Variants in FIGN observed in about 807,000 individuals in gnomAD.
FIGN encodes the protein fidgetin.
A neutral mutation model predicts 51.3 loss-of-function variants in FIGN; 11 were observed. The observed-to-expected ratio is 0.21, with a 90% confidence interval of 0.13 to 0.35. FIGN has a LOEUF of 0.35. Among genes scored for constraint, FIGN ranks in the 10% least tolerant of loss-of-function variants. The pLI, the probability that FIGN is intolerant of heterozygous loss-of-function variation, is 1.00. For synonymous variants in FIGN, 407 were observed against 363.2 expected, an observed-to-expected ratio of 1.12 and a Z score of -1.37; for missense variants, 857 against 943.6, an observed-to-expected ratio of 0.91 and a Z score of 1.20.
Position 163,628,773 on chromosome 2 carries a change from A to G in FIGN, c.26-16967T>C, listed in dbSNP as rs1044423400. Among the ~76,000 whole-genome samples, 4 of 152,186 alleles carry G rather than the reference A, an allele frequency of 2.6e-5. No individual in the cohort carries two copies. The South Asian group carries it at 8.3e-4, about 31-fold the overall frequency. ...GAAAAATTTAAAAAAAAATTGTGAC[A>G]TATCTGTCCATTGGCTAACAAAGAG... On this transcript the variant is annotated intron_variant, in intron 2 of 2. Transcript: ENST00000333129.
chr2:163,610,033 C>T lies in FIGN; in HGVS notation c.1799G>A (p.Ser600Asn), dbSNP rs370286235. ...LLSSQVNEEH[S>N]PVSRMRTEFL... ...TTCGGTTCTCATCCGACTGACTGGA[C>T]TATGTTCCTCATTCACTTGAGAGGA... Residue 600 changes from serine (S) to asparagine (N), a missense_variant, in exon 3 of 3, where the codon AGT becomes AAT. Coordinates refer to ENST00000333129, the MANE Select transcript of FIGN (RefSeq NM_018086.4). 4 of 1,614,094 alleles carry T rather than the reference C, an allele frequency of 2.5e-6. No individual in the cohort carries two copies. Among genetic ancestry groups the T allele is most frequent in the Non-Finnish European group, 3.4e-6 (4 of 1,180,002 alleles).
intron 2 of FIGN, among the ~76,000 whole-genome samples, chr2:163,626,125 T>C (rs1683050393): frequency 6.6e-6 from 1 of 152,140 alleles, no homozygotes; most frequent in Admixed American, 6.6e-5. Context: ...ACCAAGACTG[T>C]CAAATTAATG....
At position 163,608,912 on chromosome 2, in the gene FIGN, T is replaced by C. The variant is rs1691168036; in HGVS notation, c.*640A>G. 2 of 153,014 alleles carry C rather than the reference T, an allele frequency of 1.3e-5. No individual in the cohort carries two copies. The highest frequency in any genetic ancestry group is 3.9e-4 in the East Asian group (2 of 5,180). The allele number at this position is 153,014 out of a possible 1,614,324, so 9.5% of individuals were successfully genotyped here. On this transcript the variant is annotated 3_prime_UTR_variant, in exon 3 of 3. Transcript: ENST00000333129. Reference sequence around the variant, plus strand: ...ACATTCCTTTGAGGTACTGTACAAATCACAATCACTTTCCTGAGTTTTTGC... The same window carrying C: ...ACATTCCTTTGAGGTACTGTACAAACCACAATCACTTTCCTGAGTTTTTGC...
intron 2 of FIGN, among the ~76,000 whole-genome samples, chr2:163,634,924 T>C (rs1464650202): frequency 6.6e-6 from 1 of 152,196 alleles, no homozygotes; most frequent in Non-Finnish European, 1.5e-5. Flanking sequence ...TTGAACTGTA[T>C]TTTACATAGA....
intron 2 of FIGN, among the ~76,000 whole-genome samples, chr2:163,709,901 T>C (rs1284006073): frequency 3.3e-5 from 5 of 152,184 alleles, no homozygotes; most frequent in Non-Finnish European, 5.9e-5. Context: ...GTTATTTATT[T>C]TCTCATTGCC....
intron 2 of FIGN, among the ~76,000 whole-genome samples, chr2:163,618,984 T>G (rs1470352945): frequency 6.6e-6 from 1 of 152,142 alleles, no homozygotes; most frequent in Non-Finnish European, 1.5e-5. Flanking sequence ...GGGAAATAAT[T>G]GATAACTTTC....
chr2:163,672,778 C>T (rs1429149554), intron 2 of FIGN, among the ~76,000 whole-genome samples: 1 of 152,168 alleles, frequency 6.6e-6, no homozygotes, highest in South Asian at 2.1e-4. Context: ...TATATTTTCT[C>T]TCCTGGGTGC....
intron 2 of FIGN, among the ~76,000 whole-genome samples, chr2:163,619,002 TAC>T (rs1181518774): frequency 1.3e-5 from 2 of 152,212 alleles, no homozygotes. Context: ...TTCTTATTGA[TAC>T]AGTGTCATTA....
intron 2 of FIGN, among the ~76,000 whole-genome samples, chr2:163,719,284 C>T (rs1329655251): frequency 6.6e-6 from 1 of 152,178 alleles, no homozygotes; most frequent in Admixed American, 6.5e-5. Flanking sequence ...TTTACATCTA[C>T]ATTACTTTGA....
At chr2:163,636,298 T>TGTTC (rs1276202436) in intron 2 of FIGN, among the ~76,000 whole-genome samples, 1 of 152,206 alleles carries the variant, frequency 6.6e-6, no homozygotes, top group African/African-American at 2.4e-5. Context: ...TTTGTTTGTT[T>TGTTC]GTTTGAGACG....
intron 2 of FIGN, among the ~76,000 whole-genome samples, chr2:163,714,893 G>A (rs907150207): frequency 1.3e-5 from 2 of 152,078 alleles, no homozygotes; most frequent in African/African-American, 2.4e-5. Context: ...AAACATTTAT[G>A]CATACACTCT....
In FIGN at chr2:163,720,124, G is replaced by A. The variant is rs1440882561; in HGVS notation, c.25+14779C>T. ...GAATCTGGAAACATCTGGGGCTACA[G>A]AATAAGCCAAGCCCCGTTTCCACAA... On this transcript the variant is annotated intron_variant, in intron 2 of 2. Transcript: ENST00000333129. 2.6e-5 allele frequency among the ~76,000 whole-genome samples: 4 copies of A among 152,286 alleles called. No individual in the cohort carries two copies. In the East Asian group the frequency reaches 7.7e-4, roughly 29 times the overall value.
At chr2:163,644,692 C>T (rs1252633311) in intron 2 of FIGN, among the ~76,000 whole-genome samples, 1 of 152,008 alleles carries the variant, frequency 6.6e-6, no homozygotes, top group African/African-American at 2.4e-5. Flanking sequence ...TATTCATCAA[C>T]CTAGGAATGG....
rs1691027539 is a variant in FIGN, at chr2:163,603,802, T to G, written c.*5750A>C. 6.6e-6 allele frequency: 1 copy of G among 152,124 alleles called. No homozygotes were observed. Among genetic ancestry groups the G allele is most frequent in the South Asian group, 2.1e-4 (1 of 4,834 alleles). The allele number at this position is 152,124 out of a possible 1,614,324, so 9.4% of individuals were successfully genotyped here. On this transcript the variant is annotated 3_prime_UTR_variant, in exon 3 of 3. Transcript: ENST00000333129. ...TGGGTGGTGAACCCCTTTCAGCATT[T>G]TTTAAAACTAAGTGTTCTTTTGCTA...
intron 2 of FIGN, among the ~76,000 whole-genome samples, chr2:163,661,869 T>C (rs544985810): frequency 6.6e-6 from 1 of 152,160 alleles, no homozygotes; most frequent in Non-Finnish European, 1.5e-5. Flanking sequence ...TCCCCAGCCA[T>C]GTGGAACTGT....
intron 2 of FIGN, among the ~76,000 whole-genome samples, chr2:163,699,465 T>C (rs528969408): frequency 9.2e-5 from 14 of 151,492 alleles, no homozygotes; most frequent in African/African-American, 2.7e-4. Context: ...ATATAAAATA[T>C]TACAATTTTA....
intron 2 of FIGN, among the ~76,000 whole-genome samples, chr2:163,696,779 C>T (rs1459436692): frequency 2.0e-5 from 3 of 151,700 alleles, no homozygotes; most frequent in Non-Finnish European, 4.4e-5. Flanking sequence ...TCAATCTTCC[C>T]ATCTCAGCCT....
At chr2:163,615,993 A>T (rs1682869744) in intron 2 of FIGN, among the ~76,000 whole-genome samples, 1 of 152,200 alleles carries the variant, frequency 6.6e-6, no homozygotes, top group South Asian at 2.1e-4. Context: ...TTACATAGGA[A>T]TGACAGGTAC....
Position 163,652,353 on chromosome 2 carries a change from CACACACAA to C in FIGN, c.26-40555_26-40548del, listed in dbSNP as rs1283362561. Among the ~76,000 whole-genome samples, 327 of 129,800 alleles carry C rather than the reference CACACACAA, an allele frequency of 2.5e-3. 3 individuals are homozygous for C. The highest frequency in any genetic ancestry group is 0.017 in the East Asian group (76 of 4,508). The allele number at this position is 129,800 out of a possible 152,430, so 85.2% of individuals were successfully genotyped here. ...CCATATCCATTAACCAACACACACA[CACACACAA>C]ACACACACACACACACACACACACA... On this transcript the variant is annotated intron_variant, in intron 2 of 2. Transcript: ENST00000333129.
Sources: allele counts gnomAD v4.1 joint callset (sites outside exome capture counted in the v4.1 genomes callset), GRCh38; gene constraint gnomAD v4.1.1; transcripts MANE v1.5; gene names NCBI Gene and HGNC (gene_info 2026-07-23, HGNC 2026-07-21).